Variants in CCNH observed in about 807,000 individuals in gnomAD.
CCNH encodes the protein cyclin H, also known as cyclin-H.
A neutral mutation model predicts 41.9 loss-of-function variants in CCNH; 31 were observed. The ratio of observed to expected loss-of-function variants is 0.74; its 90% CI spans 0.56 to 1.00. The LOEUF is 1.00. Ranked by LOEUF, CCNH falls within the 50% of genes least tolerant of loss-of-function variation. CCNH has a pLI of 0.00. For missense variants in CCNH, 362 were observed against 388.4 expected (o/e 0.93, Z 0.57); for synonymous variants, 138 against 136.1 (o/e 1.01, Z -0.10).
At chr5:87,328,284 T>C (rs942163602) in intron 9 of CCNH, among the ~76,000 whole-genome samples, 5 of 151,416 alleles carry the variant, frequency 3.3e-5, no homozygotes, top group African/African-American at 7.3e-5. Context: ...ATGATTCTTA[T>C]GCTTATGTTT....
chr5:87,409,256 A>C, intron 3 of CCNH, 34 bp downstream of exon 3: 2 of 1,224,440 alleles, frequency 1.6e-6, no homozygotes, highest in South Asian at 2.7e-5. Flanking sequence ...AGGTCTTCTT[A>C]AATGAAAACA....
rs3093811 is a variant in CCNH at position 87,402,700 on chromosome 5, A to T, written c.690-928T>A. ...ACTGTGGGAATAAATTTTGGATCTG[A>T]AAATCAGGAAATCTCCTGACAACTA... On this transcript the variant is annotated intron_variant, in intron 5 of 8. Transcript: ENST00000256897. 2.7e-3 allele frequency among the ~76,000 whole-genome samples: 405 copies of T among 152,262 alleles called. 5 individuals are homozygous for T. The highest frequency in any genetic ancestry group is 8.7e-3 in the East Asian group (45 of 5,186).
intron 9 of CCNH, among the ~76,000 whole-genome samples, chr5:87,365,907 A>G (rs1363052231): frequency 1.3e-5 from 2 of 152,112 alleles, no homozygotes; most frequent in Non-Finnish European, 2.9e-5. Context: ...CCTGAATTCC[A>G]TATTAAATAA....
downstream of CCNH, chr5:87,392,379 A>C: frequency 2.2e-6 from 1 of 455,334 alleles, no homozygotes; most frequent in South Asian, 1.6e-5. Context: ...ACCGTTTAAC[A>C]CTGATACCAA....
intron 4 of CCNH, among the ~76,000 whole-genome samples, chr5:87,406,708 A>ATC: frequency 6.6e-6 from 1 of 152,064 alleles, no homozygotes; most frequent in Admixed American, 6.5e-5. Flanking sequence ...CTCATCCTGT[A>ATC]TCTCTGAAGC....
At chr5:87,382,226 C>T (rs1387635899) in intron 9 of CCNH, among the ~76,000 whole-genome samples, 1 of 152,176 alleles carries the variant, frequency 6.6e-6, no homozygotes, top group Non-Finnish European at 1.5e-5. Flanking sequence ...TGTTGGATTA[C>T]AGGCATGAGC....
downstream of CCNH, chr5:87,393,645 C>T (rs1436650777): frequency 6.6e-6 from 1 of 152,132 alleles, no homozygotes; most frequent in Admixed American, 6.5e-5. Context: ...AATCTACTTA[C>T]ACGGATTCAC....
At chr5:87,397,617 C>T (rs1000645157) in intron 7 of CCNH, among the ~76,000 whole-genome samples, 5 of 151,870 alleles carry the variant, frequency 3.3e-5, no homozygotes, top group Admixed American at 6.6e-5. Flanking sequence ...AAAAGTCCTT[C>T]GCAGTTTGAG....
intron 7 of CCNH, among the ~76,000 whole-genome samples, chr5:87,397,203 C>T (rs3093839): frequency 2.6e-3 from 393 of 151,144 alleles, no homozygotes; most frequent in Middle Eastern, 6.8e-3. Context: ...TGCTCTGTTG[C>T]CCAGGCTGGA....
At chr5:87,346,112 TGATAGG>T (rs2112413014) in intron 9 of CCNH, among the ~76,000 whole-genome samples, 1 of 152,218 alleles carries the variant, frequency 6.6e-6, no homozygotes, top group Admixed American at 6.5e-5. Context: ...CAACCTAGTT[TGATAGG>T]CTGTTAGCTC....
chr5:87,380,380 A>G, upstream of CCNH: 4 of 843,178 alleles, frequency 4.7e-6, no homozygotes. Flanking sequence ...CCTGTGGCAA[A>G]ATACTTTTTT....
downstream of CCNH, among the ~76,000 whole-genome samples, chr5:87,314,451 G>A (rs1756164066): frequency 6.6e-6 from 1 of 152,180 alleles, no homozygotes; most frequent in African/African-American, 2.4e-5. Context: ...TAATGGGTGG[G>A]AAAGGAAATG....
chr5:87,377,678 A>T (rs1180647178), upstream of CCNH, among the ~76,000 whole-genome samples: 1 of 151,974 alleles, frequency 6.6e-6, no homozygotes, highest in Non-Finnish European at 1.5e-5. Flanking sequence ...TTTTATTTCT[A>T]ACTTTTATAG....
intron 9 of CCNH, among the ~76,000 whole-genome samples, chr5:87,384,153 TC>T (rs1761914570): frequency 6.6e-6 from 1 of 152,130 alleles, no homozygotes; most frequent in African/African-American, 2.4e-5. Context: ...ATCTTCAAGA[TC>T]AAATTAAATG....
At position 87,324,133 on chromosome 5, in the gene CCNH, G is replaced by A. The variant is rs551901565; in HGVS notation, c.*91-5236C>T. Among the ~76,000 whole-genome samples, 5 of 152,262 alleles carry A rather than the reference G, an allele frequency of 3.3e-5. No individual in the cohort carries two copies. In the South Asian group the frequency reaches 1.0e-3, roughly 32 times the overall value. On this transcript the variant is annotated intron_variant and NMD_transcript_variant, in intron 9 of 9. Coordinates refer to the CCNH transcript ENST00000645953. ...ATTTCTTATCTTCATGTGCTGAATG[G>A]TATGATACTATAATTGTTGAAGTTC...
chr5:87,400,397 T>C (rs961973294), intron 6 of CCNH, among the ~76,000 whole-genome samples: 4 of 152,216 alleles, frequency 2.6e-5, no homozygotes, highest in African/African-American at 7.2e-5. Context: ...AATAAAGGTA[T>C]TGAGAAGAAA....
intron 9 of CCNH, among the ~76,000 whole-genome samples, chr5:87,384,767 C>A (rs1761951757): frequency 6.6e-6 from 1 of 152,098 alleles, no homozygotes; most frequent in Admixed American, 6.5e-5. Context: ...TGCTTCCTGA[C>A]TTACCTTTAA....
At chr5:87,346,081 T>C (rs937242694) in intron 9 of CCNH, among the ~76,000 whole-genome samples, 5 of 152,084 alleles carry the variant, frequency 3.3e-5, no homozygotes, top group Non-Finnish European at 4.4e-5. Context: ...AATTTAAGAA[T>C]ACAGAATATA....
At chr5:87,313,730 A>G (rs1756099544), downstream of CCNH, among the ~76,000 whole-genome samples, 1 of 152,248 alleles carries the variant, frequency 6.6e-6, no homozygotes, top group African/African-American at 2.4e-5. Flanking sequence ...AGCTGACATC[A>G]TGGTAGACGA....
Sources: allele counts gnomAD v4.1 joint callset (sites outside exome capture counted in the v4.1 genomes callset), GRCh38; gene constraint gnomAD v4.1.1; transcripts MANE v1.5; gene names NCBI Gene and HGNC (gene_info 2026-07-23, HGNC 2026-07-21).